Variants in PHRF1 observed in about 807,000 individuals in gnomAD.
The protein encoded by PHRF1 is PHD and RING finger domain-containing protein 1.
PHRF1 carries 53 observed loss-of-function variants against 128.9 expected under a neutral mutation model. The observed-to-expected ratio is 0.41, with a 90% confidence interval of 0.33 to 0.52. The LOEUF (loss-of-function observed/expected upper bound fraction) is 0.52, where lower values mean the gene tolerates loss of function less well. Among genes scored for constraint, PHRF1 ranks in the 20% least tolerant of loss-of-function variants. The pLI is 0.21. For synonymous variants in PHRF1, 1,178 were observed against 980.6 expected, an observed-to-expected ratio of 1.20 and a Z score of -3.76; for missense variants, 2,503 against 2,284.5, an observed-to-expected ratio of 1.10 and a Z score of -1.95.
intron 5 of PHRF1, among the ~76,000 whole-genome samples, chr11:591,792 G>T (rs1366574730): frequency 6.6e-6 from 1 of 152,124 alleles, no homozygotes; most frequent in Non-Finnish European, 1.5e-5. Flanking sequence ...TTTCACCCAG[G>T]CTGGAGTGCA....
intron 6 of PHRF1, among the ~76,000 whole-genome samples, chr11:593,433 G>A (rs1289024791): frequency 6.6e-5 from 10 of 152,376 alleles, no homozygotes; most frequent in African/African-American, 1.4e-4. Flanking sequence ...GACGTGCCGC[G>A]GCTGGAGCCG....
At chr11:601,845 A>ATT in intron 10 of PHRF1, 144 bp downstream of exon 10, 1 of 1,096,444 alleles carries the variant, frequency 9.1e-7, no homozygotes, top group Non-Finnish European at 1.3e-6. Flanking sequence ...GCTTTTCTGT[A>ATT]TTTACTCAGT....
At chr11:603,928 C>T (rs1855799078) in intron 10 of PHRF1, among the ~76,000 whole-genome samples, 1 of 151,820 alleles carries the variant, frequency 6.6e-6, no homozygotes, top group African/African-American at 2.4e-5. Flanking sequence ...GTCTTGAACT[C>T]CCGACCTCAA....
chr11:595,344 A>G (rs983324859), intron 6 of PHRF1, among the ~76,000 whole-genome samples: 2 of 152,224 alleles, frequency 1.3e-5, no homozygotes, highest in East Asian at 3.8e-4. Flanking sequence ...ATACACTGAC[A>G]TTACATGAAA....
chr11:591,390 A>G lies in PHRF1; in HGVS notation c.427A>G (p.Asn143Asp). ...CTGTTTTTATTTCTCACAGAATGCC[A>G]ATTCCTGTCCAGTTGATCGAACTCT... ...DCIVEWSKNANSCPVDRTLFK... is the reference protein window; with the variant it reads ...DCIVEWSKNADSCPVDRTLFK... The change falls in exon 5 of 18, where the codon AAT (asparagine) becomes GAT (aspartate). Residue 143 changes from asparagine to aspartate, a missense_variant. Physicochemically the swap from Asn to Asp is conservative, Grantham distance 23 (BLOSUM62 1). Transcript: ENST00000264555. The G allele has an allele frequency of 6.2e-7, 1 of 1,607,286 alleles. No individual in the cohort carries two copies. The highest frequency in any genetic ancestry group is 8.5e-7 in the Non-Finnish European group (1 of 1,177,026).
chr11:601,313 C>T (rs1855611695), intron 9 of PHRF1, among the ~76,000 whole-genome samples: 1 of 151,686 alleles, frequency 6.6e-6, no homozygotes, highest in Non-Finnish European at 1.5e-5. Flanking sequence ...CCTGTAGTTC[C>T]AGCTGCTTGG....
chr11:592,943 G>C (rs1855067187), intron 6 of PHRF1, among the ~76,000 whole-genome samples: 1 of 152,266 alleles, frequency 6.6e-6, no homozygotes, highest in Non-Finnish European at 1.5e-5. Flanking sequence ...ACAGGAGGCT[G>C]TGGGGCTGGT....
In PHRF1 at chr11:577,008, GC is replaced by G. The variant is rs1397276552; in HGVS notation, c.-22+421del. Among the ~76,000 whole-genome samples the G allele has an allele frequency of 4.6e-5, 7 of 152,300 alleles. No homozygotes were observed. The South Asian group carries it at 1.2e-3, about 27-fold the overall frequency. ...CTCGCTCTGTGGCACCCACGCCCAT[GC>G]CCCCTGCGAGTCCGCCCTGCCGCGT... On this transcript the variant is annotated intron_variant, in intron 1 of 17. Transcript: ENST00000264555.
rs1175192195 is a variant in PHRF1 at position 607,863 on chromosome 11, G to T, written c.2407G>T (p.Val803Leu). 6.2e-7 allele frequency: 1 copy of T among 1,612,808 alleles called. No individual in the cohort carries two copies. The highest frequency in any genetic ancestry group is 8.5e-7 in the Non-Finnish European group (1 of 1,179,892). The change falls in exon 14 of 18, where the codon GTG becomes TTG. Residue 803 changes from valine (V) to leucine (L), a missense_variant. By Grantham distance (32) the Val-to-Leu change is conservative (BLOSUM62 1). Transcript: ENST00000264555. ...SPGFCNTFRPVDDKEQRKENP... is the reference protein window; with the variant it reads ...SPGFCNTFRPLDDKEQRKENP... ...TGGCTTCTGTAACACGTTCCGGCCT[G>T]TGGACGATAAGGAGCAGAGGAAGGA...
chr11:592,713 G>C, intron 6 of PHRF1, 39 bp downstream of exon 6: 1 of 1,598,442 alleles, frequency 6.3e-7, no homozygotes, highest in Non-Finnish European at 8.6e-7. Flanking sequence ...GCCCTGCTGC[G>C]TGCAAGGCGG....
chr11:580,729 C>T (rs902528961), intron 1 of PHRF1, among the ~76,000 whole-genome samples: 7 of 152,190 alleles, frequency 4.6e-5, no homozygotes, highest in Non-Finnish European at 8.8e-5. Flanking sequence ...GCTCTTATTG[C>T]GCAGGCTGGA....
In PHRF1 at chr11:610,251, T is replaced by A. The variant is rs1856280997; in HGVS notation, c.4320T>A (p.Asp1440Glu). The A allele has an allele frequency of 6.4e-7, 1 of 1,554,368 alleles. No individual in the cohort carries two copies. The highest frequency in any genetic ancestry group is 1.4e-5 in the African/African-American group (1 of 73,208). The part of the protein sequence containing the change: ...KPREGAWDME[D>E]VAPTGVRQVF... ...GAGAAGGAGCCTGGGACATGGAGGATGTGGCCCCCACAGGGGTCAGGCAGG... is the reference window on the plus strand; with the variant it reads ...GAGAAGGAGCCTGGGACATGGAGGAAGTGGCCCCCACAGGGGTCAGGCAGG... Residue 1440 changes from aspartate (D) to glutamate (E), a missense_variant, in exon 15 of 18, where the codon GAT becomes GAA. By Grantham distance (45) the Asp-to-Glu change is conservative (BLOSUM62 2). Transcript: ENST00000264555.
chr11:597,410 G>T lies in PHRF1; in HGVS notation c.734G>T (p.Ser245Ile), dbSNP rs1398174341. Residue 245 changes from serine (S) to isoleucine (I), a missense_variant, in exon 8 of 18, where the codon AGT (serine) becomes ATT (isoleucine). Physicochemically the swap from Ser to Ile is moderately radical, Grantham distance 142. Transcript: ENST00000264555. The surrounding 1 kb of genome is among the most constrained non-coding windows in gnomAD (Gnocchi z 6.5). ...TTCTTCCCAGATGCGGGTCCCGTGA[G>T]TGAGGAGGAGGTCTCCCTGCTCTTG... Reference protein sequence around the residue: ...VVLAADAGPVSEEEVSLLLAD... With the variant: ...VVLAADAGPVIEEEVSLLLAD... 6.2e-7 allele frequency: 1 copy of T among 1,612,902 alleles called. No individual in the cohort carries two copies. Among genetic ancestry groups the T allele is most frequent in the Non-Finnish European group, 8.5e-7 (1 of 1,179,454 alleles).
At chr11:596,363 C>T (rs551944255) in intron 6 of PHRF1, among the ~76,000 whole-genome samples, 6 of 152,314 alleles carry the variant, frequency 3.9e-5, no homozygotes, top group East Asian at 1.9e-4. Context: ...AAGAAACCTT[C>T]GCCTTCTTCA....
chr11:591,479 C>T lies in PHRF1; in HGVS notation c.504+12C>T, dbSNP rs746064454. 63 of 1,598,564 alleles carry T rather than the reference C, an allele frequency of 3.9e-5. No individual in the cohort carries two copies. In the Admixed American group the frequency reaches 4.0e-4, roughly 10 times the overall value. On this transcript the variant is annotated intron_variant, in intron 5 of 17. Coordinates refer to ENST00000264555, the MANE Select transcript of PHRF1 (RefSeq NM_001286581.2). ...AAATCTTAAGAAAGGTGAGTGTGGA[C>T]GCTGCCGTGGAGGCCCCAGCCGTGC...
intron 6 of PHRF1, among the ~76,000 whole-genome samples, chr11:595,217 G>A (rs966499857): frequency 2.0e-5 from 3 of 152,158 alleles, no homozygotes; most frequent in Non-Finnish European, 4.4e-5. Flanking sequence ...CCGATCCTTG[G>A]GAGGCTGAGG....
intron 4 of PHRF1, 100 bp downstream of exon 4, chr11:587,564 C>T: frequency 1.6e-6 from 2 of 1,253,022 alleles, no homozygotes; most frequent in Middle Eastern, 2.7e-4. Context: ...TTCTAGTTGT[C>T]TGCTCTGCGG....
intron 1 of PHRF1, among the ~76,000 whole-genome samples, chr11:578,653 A>G (rs1363182447): frequency 6.6e-6 from 1 of 151,924 alleles, no homozygotes; most frequent in Non-Finnish European, 1.5e-5. Context: ...GCAGCCTCGA[A>G]CTCCTGAGCT....
intron 10 of PHRF1, among the ~76,000 whole-genome samples, chr11:604,257 G>A (rs577697249): frequency 6.6e-6 from 1 of 152,290 alleles, no homozygotes; most frequent in South Asian, 2.1e-4. Flanking sequence ...TGCTGTTTCT[G>A]TGGTTCCTTT....
Sources: allele counts gnomAD v4.1 joint callset (sites outside exome capture counted in the v4.1 genomes callset), GRCh38; gene constraint gnomAD v4.1.1; non-coding constraint Gnocchi (gnomAD v3.1); transcripts MANE v1.5; gene names NCBI Gene and HGNC (gene_info 2026-07-23, HGNC 2026-07-21).